Variants in C2CD3 observed in about 807,000 individuals in gnomAD.
The protein encoded by C2CD3 is C2 domain containing 3 centriole elongation regulator, also known as C2 domain-containing protein 3.
Under a neutral mutation model 234.0 loss-of-function variants are expected in C2CD3, and 148 were observed. The ratio of observed to expected loss-of-function variants is 0.63; its 90% CI spans 0.55 to 0.72. The LOEUF (loss-of-function observed/expected upper bound fraction) is 0.72, where lower values mean the gene tolerates loss of function less well. C2CD3 is among the 30% of genes least tolerant of loss of function. The pLI, the probability that C2CD3 is intolerant of heterozygous loss-of-function variation, is 0.00. For synonymous variants in C2CD3, 1,000 were observed against 1,035.4 expected, an observed-to-expected ratio of 0.97 and a Z score of 0.66; for missense variants, 2,577 against 2,811.5, an observed-to-expected ratio of 0.92 and a Z score of 1.89.
intron 11 of C2CD3, among the ~76,000 whole-genome samples, chr11:74,112,685 G>A (rs996311808): frequency 4.6e-5 from 7 of 152,172 alleles, no homozygotes; most frequent in Admixed American, 3.9e-4. Flanking sequence ...TGGCCAATAA[G>A]CACATGAAAA....
intron 7 of C2CD3, among the ~76,000 whole-genome samples, chr11:74,130,424 G>A (rs927693794): frequency 6.7e-6 from 1 of 148,974 alleles, no homozygotes; most frequent in South Asian, 2.1e-4. Flanking sequence ...GTAGAGATGG[G>A]GGTTTCACTA....
At chr11:74,080,986 G>A (rs1368141326) in intron 22 of C2CD3, among the ~76,000 whole-genome samples, 2 of 151,992 alleles carry the variant, frequency 1.3e-5, no homozygotes, top group African/African-American at 4.8e-5. Context: ...TCTCTGGCAG[G>A]CACATACACA....
At chr11:74,082,644 C>T (rs960458372) in intron 22 of C2CD3, among the ~76,000 whole-genome samples, 23 of 152,116 alleles carry the variant, frequency 1.5e-4, no homozygotes, top group African/African-American at 4.1e-4. Context: ...CCAACTTGAT[C>T]GTGGTGGATA....
In C2CD3 at chr11:74,161,562, C is replaced by A. The variant is rs1856472340; in HGVS notation, c.326-6G>T. ...CAGCACCAGCACAGCCATATCTAAC[C>A]AGAAACAATTACAACATGGATATTT... On this transcript the variant is annotated splice_region_variant and splice_polypyrimidine_tract_variant and intron_variant, in intron 2 of 32. Coordinates refer to ENST00000334126, the MANE Select transcript of C2CD3 (RefSeq NM_001286577.2). 1 of 1,540,482 alleles carries A rather than the reference C, an allele frequency of 6.5e-7. No individual in the cohort carries two copies. The highest frequency in any genetic ancestry group is 8.7e-7 in the Non-Finnish European group (1 of 1,146,284).
intron 20 of C2CD3, among the ~76,000 whole-genome samples, chr11:74,086,676 G>A (rs1955655216): frequency 6.6e-6 from 1 of 151,714 alleles, no homozygotes; most frequent in Non-Finnish European, 1.5e-5. Flanking sequence ...CAGCACAGAT[G>A]TTCCATGATG....
chr11:74,098,930 C>A (rs913571542), intron 15 of C2CD3, among the ~76,000 whole-genome samples: 2 of 152,106 alleles, frequency 1.3e-5, no homozygotes, highest in African/African-American at 4.8e-5. Context: ...ATTTTTAAAA[C>A]GTACGCAATG....
chr11:74,110,526 G>C (rs1361481506), intron 11 of C2CD3: 1 of 152,180 alleles, frequency 6.6e-6, no homozygotes, highest in Non-Finnish European at 1.5e-5. Flanking sequence ...ACTCTACCTG[G>C]GAAAGGGAAG....
At chr11:74,074,184 A>G in intron 24 of C2CD3, 69 bp downstream of exon 24, 1 of 1,049,984 alleles carries the variant, frequency 9.5e-7, no homozygotes, top group Non-Finnish European at 1.4e-6. Flanking sequence ...CATGATTTGA[A>G]AGATTTGTGA....
At chr11:74,152,046 C>A (rs987576202) in intron 3 of C2CD3, among the ~76,000 whole-genome samples, 1 of 152,002 alleles carries the variant, frequency 6.6e-6, no homozygotes, top group African/African-American at 2.4e-5. Flanking sequence ...CTGGAAAAAA[C>A]CAAACTCAAG....
chr11:74,099,725 T>C (rs1956241069), intron 15 of C2CD3, among the ~76,000 whole-genome samples: 1 of 151,838 alleles, frequency 6.6e-6, no homozygotes, highest in Non-Finnish European at 1.5e-5. Context: ...TGAAACCCCG[T>C]CTCTACTAAA....
At chr11:74,049,967 G>A (rs879709871) in intron 26 of C2CD3, among the ~76,000 whole-genome samples, 6 of 151,502 alleles carry the variant, frequency 4.0e-5, no homozygotes, top group Admixed American at 3.9e-4. Flanking sequence ...TTTTTGTTGA[G>A]ATGGGGTCTT....
intron 2 of C2CD3, among the ~76,000 whole-genome samples, chr11:74,165,086 T>A (rs575551346): frequency 1.3e-5 from 2 of 152,058 alleles, no homozygotes; most frequent in African/African-American, 4.8e-5. Context: ...TAAAATAAAA[T>A]AAAATAGATA....
intron 26 of C2CD3, among the ~76,000 whole-genome samples, chr11:74,053,753 G>C (rs775190058): frequency 9.2e-5 from 14 of 152,212 alleles, no homozygotes; most frequent in Non-Finnish European, 1.9e-4. Context: ...CAACAGGAAA[G>C]ACTGAAATGT....
At chr11:74,066,456 A>AAAG (rs555765499) in intron 24 of C2CD3, among the ~76,000 whole-genome samples, 173 of 140,446 alleles carry the variant, frequency 1.2e-3, no homozygotes, top group Admixed American at 7.1e-3. Context: ...AAGAAAGAAA[A>AAAG]AAAAACATTT....
At chr11:74,085,975 T>G in intron 20 of C2CD3, 89 bp from the exon 21 acceptor site, 3 of 1,305,412 alleles carry the variant, frequency 2.3e-6, no homozygotes, top group Admixed American at 2.7e-5. Context: ...ATTACTTCTA[T>G]GAGACCACCA....
At chr11:74,165,712 G>A (rs540975513) in intron 2 of C2CD3, among the ~76,000 whole-genome samples, 4 of 152,038 alleles carry the variant, frequency 2.6e-5, no homozygotes, top group African/African-American at 7.2e-5. Flanking sequence ...GGAGTACAGC[G>A]GCATGAACAT....
intron 3 of C2CD3, among the ~76,000 whole-genome samples, chr11:74,158,708 G>C (rs1020270126): frequency 2.1e-5 from 3 of 142,858 alleles, no homozygotes; most frequent in African/African-American, 5.4e-5. Flanking sequence ...TACAACAAGA[G>C]CAAAACTTCG....
rs780346847 is a variant in C2CD3 at position 74,170,797 on chromosome 11, A to G, written c.-5T>C. 6.2e-7 allele frequency: 1 copy of G among 1,614,078 alleles called. No homozygotes were observed. The highest frequency in any genetic ancestry group is 8.5e-7 in the Non-Finnish European group (1 of 1,180,008). On this transcript the variant is annotated 5_prime_UTR_variant, in exon 1 of 33. Coordinates refer to ENST00000334126, the MANE Select transcript of C2CD3 (RefSeq NM_001286577.2). ...TTGGCCTTTTCGTTGTTTCATGATG[A>G]GCCCGAGCTCTTCTTCACCAGCTCA...
At chr11:74,062,025 GA>G (rs1208276378) in intron 24 of C2CD3, among the ~76,000 whole-genome samples, 5 of 152,270 alleles carry the variant, frequency 3.3e-5, no homozygotes, top group Non-Finnish European at 7.4e-5. Context: ...AAGAGACAAA[GA>G]AGGCCATTAC....
Sources: allele counts gnomAD v4.1 joint callset (sites outside exome capture counted in the v4.1 genomes callset), GRCh38; gene constraint gnomAD v4.1.1; transcripts MANE v1.5; gene names NCBI Gene and HGNC (gene_info 2026-07-23, HGNC 2026-07-21).